Variants in XNDC1N observed in about 807,000 individuals in gnomAD.
XNDC1N encodes the protein protein XNDC1N.
the XNDC1N span, among the ~76,000 whole-genome samples, chr11:71,897,162 G>T: frequency 6.6e-6 from 1 of 152,284 alleles, no homozygotes; most frequent in East Asian, 1.9e-4. Flanking sequence ...CATGACATCA[G>T]ATTGGGCAAT....
At chr11:71,907,468 T>C in the XNDC1N span, among the ~76,000 whole-genome samples, 2 of 46,206 alleles carry the variant, frequency 4.3e-5, no homozygotes, top group South Asian at 1.5e-3. Context: ...CCAGCCCCTC[T>C]TGCCCCCCCT....
chr11:71,887,114 C>G, the XNDC1N span, among the ~76,000 whole-genome samples: 1 of 152,206 alleles, frequency 6.6e-6, no homozygotes, highest in African/African-American at 2.4e-5. Context: ...CCCATTGAGC[C>G]TCTGGTCACA....
chr11:71,920,318 T>A, the XNDC1N span, among the ~76,000 whole-genome samples: 13 of 149,436 alleles, frequency 8.7e-5, no homozygotes, highest in African/African-American at 2.5e-4. Flanking sequence ...TTTTTCTTAT[T>A]TTTTTTTGAG....
chr11:71,925,828 C>T, the XNDC1N span: 7 of 150,534 alleles, frequency 4.7e-5, no homozygotes, highest in Admixed American at 1.3e-4. Flanking sequence ...TGCAATGAGC[C>T]GAGATCACGC....
At chr11:71,912,842 G>A in the XNDC1N span, among the ~76,000 whole-genome samples, 1 of 152,098 alleles carries the variant, frequency 6.6e-6, no homozygotes, top group Non-Finnish European at 1.5e-5. Flanking sequence ...ACAGCCCTGC[G>A]ATATTGAGAG....
chr11:71,923,435 A>T, the XNDC1N span: 3,062 of 683,466 alleles, frequency 4.5e-3, 56 homozygotes, highest in African/African-American at 0.049. Context: ...GGCACTGACT[A>T]TGTGTTAGCT....
At chr11:71,922,822 TGG>T in the XNDC1N span, among the ~76,000 whole-genome samples, 2 of 151,744 alleles carry the variant, frequency 1.3e-5, no homozygotes, top group Non-Finnish European at 2.9e-5. Flanking sequence ...GAGGAAAGGG[TGG>T]GAAGTCCCTC....
At chr11:71,902,191 TTTTG>T in the XNDC1N span, among the ~76,000 whole-genome samples, 1 of 152,136 alleles carries the variant, frequency 6.6e-6, no homozygotes, top group Non-Finnish European at 1.5e-5. Flanking sequence ...ACTTGATTCT[TTTTG>T]TTTTTTGTTT....
At chr11:71,880,332 T>A in the XNDC1N span, among the ~76,000 whole-genome samples, 1 of 152,294 alleles carries the variant, frequency 6.6e-6, no homozygotes, top group African/African-American at 2.4e-5. Context: ...ACTCTAATGA[T>A]CCATTGTGTT....
chr11:71,906,696 G>A, the XNDC1N span, among the ~76,000 whole-genome samples: 1 of 152,150 alleles, frequency 6.6e-6, no homozygotes. Context: ...TACAGGACCT[G>A]TGATTTACGA....
At chr11:71,869,555 T>C in the XNDC1N span, among the ~76,000 whole-genome samples, 2 of 152,242 alleles carry the variant, frequency 1.3e-5, no homozygotes, top group Admixed American at 6.5e-5. Flanking sequence ...ATACCTGTGA[T>C]TGTATGATTA....
chr11:71,919,617 G>T, the XNDC1N span, among the ~76,000 whole-genome samples: 2,938 of 22,732 alleles, frequency 0.13, 95 homozygotes, highest in African/African-American at 0.24. Context: ...TTTTTTTTTT[G>T]TTTGTTTTTT....
the XNDC1N span, among the ~76,000 whole-genome samples, chr11:71,879,391 A>G: frequency 6.6e-6 from 1 of 152,208 alleles, no homozygotes; most frequent in Admixed American, 6.5e-5. Flanking sequence ...TTAATTTTAA[A>G]ATTCATCAAT....
the XNDC1N span, among the ~76,000 whole-genome samples, chr11:71,891,832 G>A: frequency 6.6e-6 from 1 of 151,922 alleles, no homozygotes; most frequent in African/African-American, 2.4e-5. Flanking sequence ...ACGATGACGG[G>A]AGTCATGGTT....
At chr11:71,886,272 G>T in the XNDC1N span, among the ~76,000 whole-genome samples, 16 of 152,186 alleles carry the variant, frequency 1.1e-4, no homozygotes, top group African/African-American at 2.9e-4. Flanking sequence ...ACCCCACCTG[G>T]GCTGATTGGC....
chr11:71,888,537 C>T, the XNDC1N span, among the ~76,000 whole-genome samples: 58 of 152,276 alleles, frequency 3.8e-4, no homozygotes, highest in East Asian at 8.3e-3. Context: ...TTATATGCAT[C>T]AGAGAGAGAA....
chr11:71,876,125 C>A, the XNDC1N span, among the ~76,000 whole-genome samples: 1 of 152,142 alleles, frequency 6.6e-6, no homozygotes, highest in African/African-American at 2.4e-5. Flanking sequence ...CTGCTGAAGG[C>A]AGGAAAGGAA....
the XNDC1N span, among the ~76,000 whole-genome samples, chr11:71,899,866 G>A: frequency 6.6e-6 from 1 of 152,192 alleles, no homozygotes; most frequent in Non-Finnish European, 1.5e-5. Flanking sequence ...GAGAGAGGAA[G>A]GCCCCTGTCT....
At chr11:71,886,383 C>G in the XNDC1N span, among the ~76,000 whole-genome samples, 9 of 152,020 alleles carry the variant, frequency 5.9e-5, no homozygotes, top group East Asian at 1.9e-4. Flanking sequence ...TTATCAAAAC[C>G]CCCAAGAGTA....
Sources: gnomAD v4.1 joint callset for allele counts (sites outside exome capture counted in the v4.1 genomes callset) on GRCh38, gnomAD v4.1.1 for gene constraint, MANE v1.5 for transcripts, NCBI Gene and HGNC (gene_info 2026-07-23, HGNC 2026-07-21) for gene names.